The following ULK4 variants were observed in gnomAD, a reference collection of about 807,000 sequenced individuals.
ULK4 encodes the protein unc-51 like kinase 4, also known as inactive serine/threonine-protein kinase ULK4.
A neutral mutation model predicts 160.6 loss-of-function variants in ULK4; 133 were observed. The observed-to-expected ratio is 0.83, with a 90% CI of 0.72 to 0.96. ULK4 has a LOEUF of 0.96. Ranked by LOEUF, ULK4 falls within the 40% of genes least tolerant of loss-of-function variation. The pLI is 0.00. For synonymous variants in ULK4, 534 were observed against 539.8 expected, an observed-to-expected ratio of 0.99 and a Z score of 0.15; for missense variants, 1,580 against 1,499.5, an observed-to-expected ratio of 1.05 and a Z score of -0.89.
chr3:41,579,554 C>T (rs572403597), intron 31 of ULK4, among the ~76,000 whole-genome samples: 12 of 137,740 alleles, frequency 8.7e-5, no homozygotes, highest in Non-Finnish European at 1.5e-4. Context: ...AGTGCAGTGG[C>T]GCGATCTCGA....
At chr3:41,910,752 T>C (rs549083194) in intron 11 of ULK4, among the ~76,000 whole-genome samples, 1 of 152,072 alleles carries the variant, frequency 6.6e-6, no homozygotes, top group South Asian at 2.1e-4. Context: ...GGCAGATGGC[T>C]CAAACCCAGG....
intron 32 of ULK4, among the ~76,000 whole-genome samples, chr3:41,463,912 T>G (rs764124485): frequency 6.7e-6 from 1 of 149,140 alleles, no homozygotes; most frequent in Non-Finnish European, 1.5e-5. Context: ...TGAATTGAAA[T>G]ACAACAAAAG....
At chr3:41,911,904 G>A (rs889768978) in intron 9 of ULK4, among the ~76,000 whole-genome samples, 5 of 152,134 alleles carry the variant, frequency 3.3e-5, no homozygotes, top group East Asian at 1.9e-4. Flanking sequence ...TGTAATCCCC[G>A]CACTTTGGGA....
intron 32 of ULK4, among the ~76,000 whole-genome samples, chr3:41,517,082 C>G (rs151195660): frequency 1.4e-3 from 210 of 152,130 alleles, no homozygotes; most frequent in African/African-American, 4.6e-3. Context: ...GATACCTCAA[C>G]AAAGAAGATA....
intron 30 of ULK4, among the ~76,000 whole-genome samples, chr3:41,627,714 T>A (rs544749437): frequency 6.6e-6 from 1 of 152,192 alleles, no homozygotes; most frequent in African/African-American, 2.4e-5. Context: ...TTAACAGATA[T>A]ACAAACAAAT....
chr3:41,272,153 G>A (rs2079148402), intron 35 of ULK4, among the ~76,000 whole-genome samples: 1 of 152,110 alleles, frequency 6.6e-6, no homozygotes, highest in African/African-American at 2.4e-5. Flanking sequence ...CTGACCTCAA[G>A]TGATCCACCT....
chr3:41,420,111 G>GT (rs2082626517), intron 34 of ULK4, among the ~76,000 whole-genome samples: 1 of 150,654 alleles, frequency 6.6e-6, no homozygotes, highest in Admixed American at 6.6e-5. Flanking sequence ...GGAGATAAAT[G>GT]TAAGGAAAAA....
intron 17 of ULK4, among the ~76,000 whole-genome samples, chr3:41,876,830 T>C (rs543443955): frequency 2.6e-5 from 4 of 152,320 alleles, no homozygotes; most frequent in African/African-American, 4.8e-5. Context: ...AATTGGAAGT[T>C]ACGGTAACTT....
chr3:41,491,375 C>G (rs1011263931), intron 32 of ULK4, among the ~76,000 whole-genome samples: 2 of 151,858 alleles, frequency 1.3e-5, no homozygotes, highest in African/African-American at 4.8e-5. Context: ...TAACTAGAAG[C>G]AACAATGACC....
At chr3:41,809,181 A>G (rs865911021) in intron 19 of ULK4, among the ~76,000 whole-genome samples, 1 of 147,248 alleles carries the variant, frequency 6.8e-6, no homozygotes, top group African/African-American at 2.4e-5. Flanking sequence ...AAAAACAAAA[A>G]AAAAAACAAA....
At chr3:41,909,183 C>T (rs1285064823) in intron 11 of ULK4, among the ~76,000 whole-genome samples, 3 of 150,922 alleles carry the variant, frequency 2.0e-5, no homozygotes, top group Non-Finnish European at 2.9e-5. Context: ...ATAGCTTAAA[C>T]AGTGTAGGTG....
chr3:41,721,255 ATTTTTTTTTT>A (rs67078042), intron 22 of ULK4, among the ~76,000 whole-genome samples: 37 of 45,042 alleles, frequency 8.2e-4, no homozygotes, highest in African/African-American at 3.3e-3. Flanking sequence ...TTCGCTTTGA[ATTTTTTTTTT>A]TTTTTTTTTT....
chr3:41,781,652 G>A (rs1332438699), intron 21 of ULK4, among the ~76,000 whole-genome samples: 1 of 152,126 alleles, frequency 6.6e-6, no homozygotes, highest in Non-Finnish European at 1.5e-5. Flanking sequence ...AACAAAACTG[G>A]CCATGGTCAC....
At chr3:41,266,686 G>T (rs1214835512) in intron 35 of ULK4, among the ~76,000 whole-genome samples, 1 of 152,154 alleles carries the variant, frequency 6.6e-6, no homozygotes, top group Non-Finnish European at 1.5e-5. Context: ...GCATACAAGT[G>T]CTTCATGAAC....
chr3:41,279,255 T>TAAAAAAACAAAA lies in ULK4; in HGVS notation c.3679-29682_3679-29681insTTTTGTTTTTTT, dbSNP rs2079296934. Among the ~76,000 whole-genome samples the TAAAAAAACAAAA allele has an allele frequency of 1.4e-4, 6 of 43,064 alleles. 1 individual carries two copies. The highest frequency in any genetic ancestry group is 5.0e-4 in the African/African-American group (4 of 8,016). 28.3% of individuals were successfully genotyped at this position (43,064 alleles called of 152,430 possible). A position where few individuals can be genotyped will look rare whatever the true frequency, so the allele number is the denominator to read the frequency against. On this transcript the variant is annotated intron_variant, in intron 35 of 36. Coordinates refer to ENST00000301831, the MANE Select transcript of ULK4 (RefSeq NM_017886.4). The stretch of plus-strand genomic sequence containing the variant: ...AAGAAAAGATTAGAGAAAAAAAGAG[T>TAAAAAAACAAAA]AAAAAAAAAAAAAAAAAAAACAAAA...
intron 33 of ULK4, among the ~76,000 whole-genome samples, 173 bp from the exon 34 acceptor site, chr3:41,455,768 A>C (rs560039204): frequency 6.6e-6 from 1 of 152,238 alleles, no homozygotes; most frequent in Non-Finnish European, 1.5e-5. Flanking sequence ...TTGTTATGAC[A>C]TAACAAGGAG....
intron 35 of ULK4, 51 bp from the exon 36 acceptor site, chr3:41,249,625 C>A: frequency 6.3e-7 from 1 of 1,575,060 alleles, no homozygotes; most frequent in Non-Finnish European, 8.7e-7. Flanking sequence ...GTCCCTGACT[C>A]ATGCCCTGTT....
chr3:41,855,191 T>C (rs2042306973), intron 17 of ULK4, among the ~76,000 whole-genome samples: 3 of 152,072 alleles, frequency 2.0e-5, no homozygotes. Flanking sequence ...TTCTTACCAA[T>C]ATAGGGTACC....
At chr3:41,562,951 A>G (rs1336872453) in intron 32 of ULK4, among the ~76,000 whole-genome samples, 1 of 152,192 alleles carries the variant, frequency 6.6e-6, no homozygotes, top group Non-Finnish European at 1.5e-5. Flanking sequence ...ATTTCTTCAT[A>G]GCATCGATGG....
Sources: gnomAD v4.1 joint callset for allele counts (sites outside exome capture counted in the v4.1 genomes callset) on GRCh38, gnomAD v4.1.1 for gene constraint, MANE v1.5 for transcripts, NCBI Gene and HGNC (gene_info 2026-07-23, HGNC 2026-07-21) for gene names.